The following MGAT5 variants were observed in gnomAD, a reference collection of about 807,000 sequenced individuals.
MGAT5 encodes the protein alpha-1,6-mannosylglycoprotein 6-beta-N-acetylglucosaminyltransferase.
MGAT5 carries 30 observed loss-of-function variants against 94.3 expected under a neutral mutation model. The observed-to-expected ratio is 0.32, with a 90% CI of 0.24 to 0.43. MGAT5 has a LOEUF of 0.43. Among genes scored for constraint, MGAT5 ranks in the 20% least tolerant of loss-of-function variants. The pLI is 1.00. For synonymous variants in MGAT5, 310 were observed against 322.9 expected, an observed-to-expected ratio of 0.96 and a Z score of 0.43; for missense variants, 691 against 905.5, an observed-to-expected ratio of 0.76 and a Z score of 3.04.
intron 10 of MGAT5, among the ~76,000 whole-genome samples, chr2:134,379,896 A>G (rs756832062): frequency 4.6e-5 from 7 of 152,224 alleles, no homozygotes; most frequent in Non-Finnish European, 7.3e-5. Flanking sequence ...GGATTAGGCC[A>G]TGGCTCTGCA....
In MGAT5 at chr2:134,325,979, T is replaced by A. The variant is rs117530973; in HGVS notation, c.573+7240T>A. Among the ~76,000 whole-genome samples the A allele has an allele frequency of 3.3e-4, 50 of 152,132 alleles. No individual in the cohort carries two copies. In the East Asian group the frequency reaches 7.5e-3, roughly 23 times the overall value. ...TGCCTAATATTGTTTGTGCAAGTTA[T>A]TTCATGGATAATGGTATTATATACT... On this transcript the variant is annotated intron_variant, in intron 4 of 15. Transcript: ENST00000281923.
chr2:134,151,219 G>A (rs544199774), intron 1 of MGAT5, among the ~76,000 whole-genome samples: 13 of 138,942 alleles, frequency 9.4e-5, no homozygotes, highest in East Asian at 4.4e-4. Flanking sequence ...CCCGCTTACC[G>A]CCATGGGACC....
chr2:134,172,129 G>A (rs1233756026), intron 1 of MGAT5, among the ~76,000 whole-genome samples: 3 of 152,118 alleles, frequency 2.0e-5, no homozygotes, highest in Admixed American at 2.0e-4. Context: ...AATTTATTGA[G>A]CTTGACCATG....
At chr2:134,416,388 G>A (rs1683967675) in intron 12 of MGAT5, among the ~76,000 whole-genome samples, 2 of 151,784 alleles carry the variant, frequency 1.3e-5, no homozygotes, top group Admixed American at 6.6e-5. Context: ...ACCATATAAT[G>A]TCTGTCCTTT....
intron 1 of MGAT5, among the ~76,000 whole-genome samples, chr2:134,220,330 G>A (rs902538920): frequency 2.0e-5 from 3 of 151,578 alleles, no homozygotes; most frequent in African/African-American, 4.9e-5. Flanking sequence ...CCCCCACCCC[G>A]ACCAAATGAA....
chr2:134,154,737 C>T (rs1385546575), intron 1 of MGAT5, among the ~76,000 whole-genome samples: 1 of 152,192 alleles, frequency 6.6e-6, no homozygotes, highest in Non-Finnish European at 1.5e-5. Flanking sequence ...TTTCTAGAAA[C>T]ACGAGCCATC....
At chr2:134,324,406 G>A (rs991915440) in intron 4 of MGAT5, among the ~76,000 whole-genome samples, 1 of 152,120 alleles carries the variant, frequency 6.6e-6, no homozygotes, top group African/African-American at 2.4e-5. Flanking sequence ...AACAACAGAC[G>A]TAAAGGTCTT....
intron 1 of MGAT5, among the ~76,000 whole-genome samples, chr2:134,179,560 G>C (rs1044009922): frequency 3.3e-5 from 5 of 152,162 alleles, no homozygotes; most frequent in African/African-American, 1.2e-4. Flanking sequence ...CAAGTTGGCT[G>C]TCCTATTATC....
chr2:134,353,689 G>C (rs1679538318), intron 9 of MGAT5, among the ~76,000 whole-genome samples: 1 of 152,158 alleles, frequency 6.6e-6, no homozygotes, highest in South Asian at 2.1e-4. Flanking sequence ...TAGAAAATGA[G>C]CGTTATAAAA....
At chr2:134,271,758 G>C (rs983235199) in intron 2 of MGAT5, among the ~76,000 whole-genome samples, 1 of 152,182 alleles carries the variant, frequency 6.6e-6, no homozygotes, top group Non-Finnish European at 1.5e-5. Context: ...CACAGAGGCA[G>C]TGTCATCTAG....
At chr2:134,437,661 T>C (rs1685235552) in intron 14 of MGAT5, among the ~76,000 whole-genome samples, 2 of 152,214 alleles carry the variant, frequency 1.3e-5, no homozygotes, top group Non-Finnish European at 2.9e-5. Flanking sequence ...ATGTGGATTT[T>C]AAAATCTCTT....
intron 11 of MGAT5, among the ~76,000 whole-genome samples, chr2:134,407,655 T>G (rs937608460): frequency 1.3e-5 from 2 of 152,244 alleles, no homozygotes; most frequent in Admixed American, 1.3e-4. Flanking sequence ...CTAGAGACAG[T>G]GATGACTCAA....
intron 1 of MGAT5, among the ~76,000 whole-genome samples, chr2:134,157,180 C>CT (rs1687517379): frequency 6.6e-6 from 1 of 152,140 alleles, no homozygotes; most frequent in Non-Finnish European, 1.5e-5. Flanking sequence ...TATAAAACTG[C>CT]TAAAATCCAA....
Position 134,395,578 on chromosome 2 carries a change from A to G in MGAT5, c.1381-7410A>G, listed in dbSNP as rs566689487. Among the ~76,000 whole-genome samples, 44 of 152,336 alleles carry G rather than the reference A, an allele frequency of 2.9e-4. 1 individual carries two copies. Among genetic ancestry groups the G allele is most frequent in the Middle Eastern group, 3.4e-3 (1 of 294 alleles). ...GGGTACATACTTAAACATATTTTAAATGCATTTTATTCCCAGTGCTGGCTC... is the reference window on the plus strand; with the variant it reads ...GGGTACATACTTAAACATATTTTAAGTGCATTTTATTCCCAGTGCTGGCTC... On this transcript the variant is annotated intron_variant, in intron 10 of 15. Coordinates refer to ENST00000281923, the MANE Select transcript of MGAT5 (RefSeq NM_002410.5).
chr2:134,349,913 CCCTCAGCAGTTTTAT>C lies in MGAT5; in HGVS notation c.1222_1236del (p.Pro408_Tyr412del). 6.2e-7 allele frequency: 1 copy of C among 1,613,436 alleles called. No homozygotes were observed. Among genetic ancestry groups the C allele is most frequent in the Non-Finnish European group, 8.5e-7 (1 of 1,179,608 alleles). The stretch of plus-strand genomic sequence containing the variant: ...CCCCTTGGGGAAAATGGAATCTGAA[CCCTCAGCAGTTTTAT>C]ACCATGTTCCGTGAGTATTCCTGTT... On this transcript the variant is annotated inframe_deletion, in exon 9 of 16. Coordinates refer to ENST00000281923, the MANE Select transcript of MGAT5 (RefSeq NM_002410.5).
At chr2:134,223,314 T>C (rs1379533534) in intron 1 of MGAT5, among the ~76,000 whole-genome samples, 1 of 152,208 alleles carries the variant, frequency 6.6e-6, no homozygotes, top group African/African-American at 2.4e-5. Flanking sequence ...TCCCTGGGCG[T>C]AGAGCAGGGT....
At chr2:134,161,835 A>G (rs1184188022) in intron 1 of MGAT5, among the ~76,000 whole-genome samples, 1 of 152,134 alleles carries the variant, frequency 6.6e-6, no homozygotes, top group Non-Finnish European at 1.5e-5. Context: ...GACCTTGCTA[A>G]ACATGTGTAA....
intron 2 of MGAT5, among the ~76,000 whole-genome samples, chr2:134,301,657 G>C (rs561011260): frequency 1.5e-4 from 23 of 152,276 alleles, no homozygotes; most frequent in African/African-American, 5.5e-4. Context: ...TCTGGAAGCT[G>C]GTTTAACATT....
rs10084469 is a variant in MGAT5 at position 134,196,423 on chromosome 2, A to C, written c.-142-57839A>C. On this transcript the variant is annotated intron_variant, in intron 1 of 16. Coordinates refer to the MGAT5 transcript ENST00000409645. Reference sequence around the variant, plus strand: ...GGCTTAAAAAAAAAAAAAACTATGGATCCAAGGGAGCTTTTTAAAACACTC... The same window carrying C: ...GGCTTAAAAAAAAAAAAAACTATGGCTCCAAGGGAGCTTTTTAAAACACTC... Among the ~76,000 whole-genome samples, 4 of 151,282 alleles carry C rather than the reference A, an allele frequency of 2.6e-5. No homozygotes were observed. In the South Asian group the frequency reaches 8.3e-4, roughly 31 times the overall value.
Sources: gnomAD v4.1 joint callset for allele counts (sites outside exome capture counted in the v4.1 genomes callset) on GRCh38, gnomAD v4.1.1 for gene constraint, MANE v1.5 for transcripts, NCBI Gene and HGNC (gene_info 2026-07-23, HGNC 2026-07-21) for gene names.